The following TXNDC12 variants were observed in gnomAD, a reference collection of about 807,000 sequenced individuals.
TXNDC12 encodes the protein thioredoxin domain containing 12.
TXNDC12 carries 22 observed loss-of-function variants against 24.2 expected under a neutral mutation model. The ratio of observed to expected loss-of-function variants is 0.91; its 90% CI spans 0.65 to 1.30. The LOEUF (loss-of-function observed/expected upper bound fraction) is 1.30. Among genes scored for constraint, TXNDC12 ranks in the 50% most tolerant of loss-of-function variants. The pLI, the probability that TXNDC12 is intolerant of heterozygous loss-of-function variation, is 0.00. For missense variants in TXNDC12, 184 were observed against 205.8 expected (o/e 0.89, Z 0.65); for synonymous variants, 58 against 73.4 (o/e 0.79, Z 1.07).
intron 2 of TXNDC12, among the ~76,000 whole-genome samples, chr1:52,038,256 G>T (rs1236653227): frequency 1.3e-5 from 2 of 151,786 alleles, no homozygotes; most frequent in East Asian, 3.9e-4. Context: ...TTTTCTTAAC[G>T]GTGTCTGAGA....
chr1:52,052,316 T>C (rs1350113908), intron 1 of TXNDC12: 2 of 163,070 alleles, frequency 1.2e-5, no homozygotes, highest in East Asian at 1.9e-4. Flanking sequence ...GTGGCAGATA[T>C]GCCCTTCTTA....
intron 6 of TXNDC12, 58 bp downstream of exon 6, chr1:52,023,433 T>C: frequency 7.3e-7 from 1 of 1,372,908 alleles, no homozygotes; most frequent in Admixed American, 1.7e-5. Context: ...AGACCTTGCA[T>C]GTGGTTCATC....
At chr1:52,022,733 C>G (rs183309022) in intron 6 of TXNDC12, among the ~76,000 whole-genome samples, 1 of 149,736 alleles carries the variant, frequency 6.7e-6, no homozygotes, top group Admixed American at 6.7e-5. Flanking sequence ...CTCTGCCTCT[C>G]GGGTTCACGC....
At chr1:52,041,720 C>A (rs774332334) in intron 1 of TXNDC12, 123 bp from the exon 2 acceptor site, 6 of 579,744 alleles carry the variant, frequency 1.0e-5, no homozygotes, top group Non-Finnish European at 1.8e-5. Flanking sequence ...GCTTGGTGTT[C>A]AAGTCCCAGC....
chr1:52,039,812 T>C (rs1378827510), intron 2 of TXNDC12, among the ~76,000 whole-genome samples: 1 of 152,258 alleles, frequency 6.6e-6, no homozygotes, highest in Non-Finnish European at 1.5e-5. Flanking sequence ...TTTTATGCAG[T>C]TATGATTTAA....
chr1:52,047,274 T>C (rs1412002369), intron 1 of TXNDC12, among the ~76,000 whole-genome samples: 2 of 152,060 alleles, frequency 1.3e-5, no homozygotes, highest in African/African-American at 4.8e-5. Context: ...TGAACACTAG[T>C]GGGTAAATGC....
At chr1:52,033,878 C>T (rs2124372413) in intron 2 of TXNDC12, 3 of 1,436,994 alleles carry the variant, frequency 2.1e-6, no homozygotes, top group Non-Finnish European at 2.7e-6. Context: ...TTTACAGACC[C>T]TCTTGTTTCT....
chr1:52,024,704 T>A, intron 4 of TXNDC12, 125 bp from the exon 5 acceptor site: 1 of 688,180 alleles, frequency 1.5e-6, no homozygotes, highest in Non-Finnish European at 2.6e-6. Flanking sequence ...AGGCCCTACA[T>A]GATCTATCAC....
At chr1:52,021,145 G>T in intron 6 of TXNDC12, 133 bp from the exon 7 acceptor site, 1 of 658,566 alleles carries the variant, frequency 1.5e-6, no homozygotes. Flanking sequence ...TCTAGCTCTG[G>T]ATTTTGGCCC....
intron 1 of TXNDC12, among the ~76,000 whole-genome samples, chr1:52,045,096 C>A (rs960638933): frequency 1.3e-5 from 2 of 152,136 alleles, no homozygotes; most frequent in African/African-American, 4.8e-5. Context: ...AAGGAGTAAT[C>A]AAGCCACGAA....
intron 1 of TXNDC12, among the ~76,000 whole-genome samples, chr1:52,052,865 C>T (rs1456456377): frequency 6.6e-6 from 1 of 152,106 alleles, no homozygotes; most frequent in East Asian, 1.9e-4. Flanking sequence ...GTTATGATGC[C>T]CATTTTGCAG....
In TXNDC12 at chr1:52,025,345, G is replaced by A. The variant is rs946074418; in HGVS notation, c.286-766C>T. Among the ~76,000 whole-genome samples the A allele has an allele frequency of 2.0e-5, 3 of 152,098 alleles. No individual in the cohort carries two copies. The East Asian group carries it at 5.8e-4, about 29-fold the overall frequency. ...GCCATCTTCTGCCTCAGCTGCCTGAGTAGCTGGGACTACAGGTGCCCGCCA... is the reference window on the plus strand; with the variant it reads ...GCCATCTTCTGCCTCAGCTGCCTGAATAGCTGGGACTACAGGTGCCCGCCA... On this transcript the variant is annotated intron_variant, in intron 4 of 6. Coordinates refer to ENST00000371626, the MANE Select transcript of TXNDC12 (RefSeq NM_015913.4).
Position 52,028,506 on chromosome 1 carries a change from C to T in TXNDC12, c.211+72G>A, listed in dbSNP as rs971930021. ...CAGTAGTGCTGGGCCAGAGTCAGTGCCAATATTTGTTAAATGTTAATATTT... is the reference window on the plus strand; with the variant it reads ...CAGTAGTGCTGGGCCAGAGTCAGTGTCAATATTTGTTAAATGTTAATATTT... On this transcript the variant is annotated intron_variant, in intron 3 of 6. Coordinates refer to ENST00000371626, the MANE Select transcript of TXNDC12 (RefSeq NM_015913.4). 4.1e-6 allele frequency: 5 copies of T among 1,232,692 alleles called. No homozygotes were observed. The African/African-American group carries it at 6.0e-5, about 15-fold the overall frequency. The allele number at this position is 1,232,692 out of a possible 1,614,324, so 76.4% of individuals were successfully genotyped here. A position where few individuals can be genotyped will look rare whatever the true frequency, so the allele number is the denominator to read the frequency against.
intron 1 of TXNDC12, among the ~76,000 whole-genome samples, chr1:52,047,240 TAAC>T (rs1686113302): frequency 6.6e-6 from 1 of 152,104 alleles, no homozygotes; most frequent in African/African-American, 2.4e-5. Context: ...GTTTATCAGG[TAAC>T]AACAGGAAAG....
intron 2 of TXNDC12, 41 bp from the exon 3 acceptor site, chr1:52,028,671 C>T: frequency 6.9e-7 from 1 of 1,449,042 alleles, no homozygotes. Context: ...AGTAATTCTA[C>T]TTCTTGAAAT....
chr1:52,033,816 C>A (rs1685831323), intron 2 of TXNDC12: 4 of 1,490,036 alleles, frequency 2.7e-6, no homozygotes, highest in Non-Finnish European at 3.6e-6. Flanking sequence ...GGGTTGTACG[C>A]GTCTCCGACG....
intron 1 of TXNDC12, among the ~76,000 whole-genome samples, chr1:52,050,012 A>G (rs143151149): frequency 1.4e-4 from 21 of 152,326 alleles, no homozygotes; most frequent in African/African-American, 2.6e-4. Flanking sequence ...AGGAAGCTGA[A>G]CTGAAACAGC....
chr1:52,024,367 A>C, intron 5 of TXNDC12, 143 bp downstream of exon 5: 1 of 644,048 alleles, frequency 1.6e-6, no homozygotes, highest in East Asian at 2.8e-5. Context: ...TCTAGCATTC[A>C]GAACTCCCCC....
intron 2 of TXNDC12, among the ~76,000 whole-genome samples, chr1:52,039,004 C>T (rs567489338): frequency 3.9e-4 from 50 of 129,696 alleles, no homozygotes; most frequent in Non-Finnish European, 7.4e-4. Flanking sequence ...CCAGGCTGGT[C>T]TCAATCTACT....
Sources: gnomAD v4.1 joint callset for allele counts (sites outside exome capture counted in the v4.1 genomes callset) on GRCh38, gnomAD v4.1.1 for gene constraint, MANE v1.5 for transcripts, NCBI Gene and HGNC (gene_info 2026-07-23, HGNC 2026-07-21) for gene names.